BTG4: variants seen among roughly 807,000 people sequenced by gnomAD.
BTG4 encodes the protein BTG anti-proliferation factor 4, also known as protein BTG4.
BTG4 carries 10 observed loss-of-function variants against 19.3 expected under a neutral mutation model. The ratio of observed to expected loss-of-function variants is 0.52; its 90% CI spans 0.32 to 0.88. The LOEUF (loss-of-function observed/expected upper bound fraction) is 0.88. Among genes scored for constraint, BTG4 ranks in the 40% least tolerant of loss-of-function variants. BTG4 has a pLI of 0.04. For synonymous variants in BTG4, 91 were observed against 95.7 expected, an observed-to-expected ratio of 0.95 and a Z score of 0.29; for missense variants, 238 against 281.9, an observed-to-expected ratio of 0.84 and a Z score of 1.11.
chr11:111,421,325 C>T, the BTG4 span, among the ~76,000 whole-genome samples: 1 of 152,188 alleles, frequency 6.6e-6, no homozygotes, highest in Non-Finnish European at 1.5e-5. Flanking sequence ...AATGTTGCCT[C>T]CATACAAAGG....
chr11:111,421,248 G>A, the BTG4 span, among the ~76,000 whole-genome samples: 1 of 152,188 alleles, frequency 6.6e-6, no homozygotes, highest in Non-Finnish European at 1.5e-5. Flanking sequence ...CCATAGAAGG[G>A]CTTGGGGGAG....
At chr11:111,412,880 TTG>T in the BTG4 span, among the ~76,000 whole-genome samples, 2 of 152,214 alleles carry the variant, frequency 1.3e-5, no homozygotes, top group African/African-American at 4.8e-5. Context: ...CAAAACTTCA[TTG>T]TAAGCTTCCT....
the BTG4 span, among the ~76,000 whole-genome samples, chr11:111,419,707 C>T: frequency 6.6e-6 from 1 of 152,210 alleles, no homozygotes; most frequent in Non-Finnish European, 1.5e-5. Context: ...TGACTGCCAG[C>T]CAAGGCCATG....
the BTG4 span, among the ~76,000 whole-genome samples, chr11:111,411,403 C>T: frequency 6.6e-6 from 1 of 152,170 alleles, no homozygotes; most frequent in African/African-American, 2.4e-5. Context: ...AAAAGATTTA[C>T]CTGGCATGCT....
chr11:111,410,837 A>G, the BTG4 span, among the ~76,000 whole-genome samples: 1 of 152,214 alleles, frequency 6.6e-6, no homozygotes, highest in African/African-American at 2.4e-5. Flanking sequence ...CCTCTTGCAA[A>G]TGGCAATCAT....
chr11:111,427,970 A>G, the BTG4 span, among the ~76,000 whole-genome samples: 1 of 152,128 alleles, frequency 6.6e-6, no homozygotes, highest in Non-Finnish European at 1.5e-5. Flanking sequence ...GAGGCAGCCC[A>G]AGGCGGTGGC....
the BTG4 span, chr11:111,453,573 G>A: frequency 2.2e-6 from 1 of 452,944 alleles, no homozygotes; most frequent in Admixed American, 2.4e-5. Flanking sequence ...CCAGGGTTGA[G>A]GGGGGTCCTG....
At chr11:111,438,151 A>AGAC in the BTG4 span, among the ~76,000 whole-genome samples, 1 of 152,230 alleles carries the variant, frequency 6.6e-6, no homozygotes, top group African/African-American at 2.4e-5. Context: ...AGGCATCAAC[A>AGAC]GACGGGACAC....
chr11:111,497,464 C>G, intron 3 of BTG4, 55 bp from the exon 4 acceptor site: 3 of 1,188,688 alleles, frequency 2.5e-6, no homozygotes, highest in Non-Finnish European at 3.4e-6. Flanking sequence ...TCTACAAGAT[C>G]TCCAATCTTT....
intron 3 of BTG4, 49 bp from the exon 4 acceptor site, chr11:111,497,458 C>A: frequency 8.3e-7 from 1 of 1,205,734 alleles, no homozygotes. Context: ...CAACTTTCTA[C>A]AAGATCTCCA....
chr11:111,486,716 A>G (rs1292146001), intron 5 of BTG4, among the ~76,000 whole-genome samples: 4 of 152,242 alleles, frequency 2.6e-5, no homozygotes, highest in African/African-American at 4.8e-5. Flanking sequence ...GATTCATCCC[A>G]GGGATGCAAG....
At chr11:111,444,663 A>G in the BTG4 span, among the ~76,000 whole-genome samples, 1 of 152,240 alleles carries the variant, frequency 6.6e-6, no homozygotes, top group Non-Finnish European at 1.5e-5. Flanking sequence ...GTTTTAATAC[A>G]TAATACCCCA....
chr11:111,511,758 C>G (rs2135756491), intron 1 of BTG4, among the ~76,000 whole-genome samples: 1 of 152,284 alleles, frequency 6.6e-6, no homozygotes, highest in South Asian at 2.1e-4. Flanking sequence ...CATCCACAGC[C>G]CTAACCCTGA....
chr11:111,451,661 G>A, the BTG4 span, among the ~76,000 whole-genome samples: 47,251 of 152,056 alleles, frequency 0.31, 9,316 homozygotes, highest in African/African-American at 0.56. Context: ...CTACTTGGGA[G>A]GCTGAGGCAG....
chr11:111,497,706 T>C (rs749303928), intron 3 of BTG4, among the ~76,000 whole-genome samples: 2 of 152,208 alleles, frequency 1.3e-5, no homozygotes, highest in Non-Finnish European at 2.9e-5. Context: ...CACTTATCTG[T>C]TATCAACCTA....
At chr11:111,504,496 T>C (rs992015082) in intron 1 of BTG4, among the ~76,000 whole-genome samples, 1 of 152,098 alleles carries the variant, frequency 6.6e-6, no homozygotes, top group African/African-American at 2.4e-5. Flanking sequence ...TCTGCATTAC[T>C]GAGCATTCAC....
At chr11:111,399,136 A>G in the BTG4 span, 1 of 152,240 alleles carries the variant, frequency 6.6e-6, no homozygotes, top group Non-Finnish European at 1.5e-5. Context: ...CAATCTGTGG[A>G]AGCCCCATGC....
chr11:111,424,685 T>C, the BTG4 span, among the ~76,000 whole-genome samples: 1 of 152,206 alleles, frequency 6.6e-6, no homozygotes, highest in African/African-American at 2.4e-5. Context: ...AGGCCAGATG[T>C]AGTGGCTGAC....
chr11:111,474,245 T>C (rs549690892), intron 5 of BTG4, among the ~76,000 whole-genome samples: 6 of 152,252 alleles, frequency 3.9e-5, no homozygotes, highest in Non-Finnish European at 8.8e-5. Flanking sequence ...AATTTATACC[T>C]CAACGAGTTG....
Sources: allele counts gnomAD v4.1 joint callset (sites outside exome capture counted in the v4.1 genomes callset), GRCh38; gene constraint gnomAD v4.1.1; transcripts MANE v1.5; gene names NCBI Gene and HGNC (gene_info 2026-07-23, HGNC 2026-07-21).